Variants in ZSCAN4 observed in about 807,000 individuals in gnomAD.
ZSCAN4 encodes the protein zinc finger and SCAN domain containing 4, also known as zinc finger and SCAN domain-containing protein 4.
A neutral mutation model predicts 18.3 loss-of-function variants in ZSCAN4; 18 were observed. That is an observed-to-expected ratio of 0.98 (90% CI 0.68 to 1.46). The LOEUF (loss-of-function observed/expected upper bound fraction) is 1.46. ZSCAN4 is among the 40% of genes most tolerant of loss of function. The probability of loss-of-function intolerance (pLI) is 0.00; values close to 1 mark genes in which losing one functional copy is unlikely to be tolerated. For synonymous variants in ZSCAN4, 193 were observed against 180.3 expected, an observed-to-expected ratio of 1.07 and a Z score of -0.57; for missense variants, 498 against 511.4, an observed-to-expected ratio of 0.97 and a Z score of 0.25.
intron 1 of ZSCAN4, among the ~76,000 whole-genome samples, chr19:57,669,706 T>TG (rs1983960697): frequency 6.9e-6 from 1 of 145,084 alleles, no homozygotes; most frequent in African/African-American, 2.6e-5. Context: ...ATTACAGGCA[T>TG]GGTTTTTTTT....
the ZSCAN4 span, among the ~76,000 whole-genome samples, chr19:57,660,849 G>A: frequency 2.6e-5 from 4 of 152,070 alleles, no homozygotes; most frequent in Non-Finnish European, 4.4e-5. Context: ...TGAGTGAAGG[G>A]CATTTTTACC....
the ZSCAN4 span, among the ~76,000 whole-genome samples, chr19:57,663,519 C>CAAAAAAAAAA: frequency 1.6e-4 from 3 of 18,314 alleles, no homozygotes; most frequent in African/African-American, 4.3e-4. Flanking sequence ...AACCATGTCT[C>CAAAAAAAAAA]TAAAAAAAAA....
the ZSCAN4 span, among the ~76,000 whole-genome samples, chr19:57,661,546 G>T: frequency 4.6e-5 from 7 of 151,938 alleles, no homozygotes. Context: ...AATGCCATTT[G>T]CTCTATTTAT....
the ZSCAN4 span, among the ~76,000 whole-genome samples, chr19:57,662,430 C>T: frequency 6.6e-6 from 1 of 151,722 alleles, no homozygotes; most frequent in African/African-American, 2.4e-5. Context: ...TTTTAATTTG[C>T]AATTATTTTT....
upstream of ZSCAN4, among the ~76,000 whole-genome samples, chr19:57,666,232 G>A (rs1244351191): frequency 6.6e-6 from 1 of 152,134 alleles, no homozygotes; most frequent in Non-Finnish European, 1.5e-5. Flanking sequence ...GCTTCGATGC[G>A]CCCTGGAGAA....
At chr19:57,678,630 C>T (rs1468189892) in exon 5 of ZSCAN4, 1 of 1,614,004 alleles carries the variant, frequency 6.2e-7, no homozygotes, top group African/African-American at 1.3e-5. Flanking sequence ...ATTTGTTTGT[C>T]CCGAGTGTCA....
chr19:57,662,219 A>C, the ZSCAN4 span, among the ~76,000 whole-genome samples: 3 of 152,172 alleles, frequency 2.0e-5, no homozygotes, highest in Non-Finnish European at 4.4e-5. Flanking sequence ...AGTTTGAGCA[A>C]AGTAATACAA....
At chr19:57,653,141 A>G in the ZSCAN4 span, among the ~76,000 whole-genome samples, 1 of 152,236 alleles carries the variant, frequency 6.6e-6, no homozygotes, top group African/African-American at 2.4e-5. Flanking sequence ...AAGGTAGTCA[A>G]CTATGAAAAG....
chr19:57,672,358 G>A (rs951839129), intron 2 of ZSCAN4, among the ~76,000 whole-genome samples: 3 of 152,112 alleles, frequency 2.0e-5, no homozygotes, highest in African/African-American at 4.8e-5. Flanking sequence ...CCTTGCAGAT[G>A]TCTGTGCCTA....
upstream of ZSCAN4, among the ~76,000 whole-genome samples, chr19:57,666,390 C>G (rs79655520): frequency 6.6e-6 from 1 of 151,938 alleles, no homozygotes; most frequent in Non-Finnish European, 1.5e-5. Context: ...GTGGTGCGGT[C>G]CAAGTGCGGC....
the ZSCAN4 span, among the ~76,000 whole-genome samples, chr19:57,662,719 C>G: frequency 2.0e-5 from 3 of 152,002 alleles, no homozygotes; most frequent in Admixed American, 2.0e-4. Flanking sequence ...AGCCACCACG[C>G]CCAGCTAATT....
chr19:57,669,738 T>G (rs1242490362), intron 1 of ZSCAN4, among the ~76,000 whole-genome samples: 2 of 151,424 alleles, frequency 1.3e-5, no homozygotes, highest in Admixed American at 6.6e-5. Flanking sequence ...GTTTTGTTTT[T>G]TTTTTAGAGA....
exon 5 of ZSCAN4, chr19:57,679,106 C>T: frequency 2.3e-6 from 1 of 435,750 alleles, no homozygotes; most frequent in Non-Finnish European, 3.8e-6. Context: ...GAAAGTGGAA[C>T]ATTTCCAAGA....
At chr19:57,662,361 A>T in the ZSCAN4 span, among the ~76,000 whole-genome samples, 1 of 152,130 alleles carries the variant, frequency 6.6e-6, no homozygotes, top group East Asian at 1.9e-4. Flanking sequence ...TAACAATAGT[A>T]AAGTGATTGA....
At position 57,673,613 on chromosome 19, in the gene ZSCAN4, C is replaced by T. The variant is rs76435428; in HGVS notation, c.-105-2428C>T. 4.7e-3 allele frequency among the ~76,000 whole-genome samples: 713 copies of T among 152,244 alleles called. 4 individuals are homozygous for T. Among genetic ancestry groups the T allele is most frequent in the Non-Finnish European group, 8.0e-3 (543 of 68,026 alleles). Reference sequence around the variant, plus strand: ...CACCACTGCACTCTAGCCTGTCTGACAGACGGAGACCCTGTCTCAAAATAA... The same window carrying T: ...CACCACTGCACTCTAGCCTGTCTGATAGACGGAGACCCTGTCTCAAAATAA... On this transcript the variant is annotated intron_variant, in intron 2 of 4. Transcript: ENST00000318203.
chr19:57,668,344 T>G (rs1983913527), upstream of ZSCAN4, among the ~76,000 whole-genome samples: 1 of 152,058 alleles, frequency 6.6e-6, no homozygotes. Context: ...GCAGGGATAC[T>G]TCTCTGTATG....
chr19:57,667,583 A>G (rs1983889906), upstream of ZSCAN4, among the ~76,000 whole-genome samples: 1 of 152,214 alleles, frequency 6.6e-6, no homozygotes, highest in Non-Finnish European at 1.5e-5. Context: ...AAGGTTAGTT[A>G]TTATGATCCC....
chr19:57,678,869 C>T (rs1283718052), exon 5 of ZSCAN4: 1 of 1,610,602 alleles, frequency 6.2e-7, no homozygotes, highest in Non-Finnish European at 8.5e-7. Flanking sequence ...AGAAAATTAC[C>T]CTGCCAAGTG....
chr19:57,671,427 A>G (rs1418767283), intron 2 of ZSCAN4, among the ~76,000 whole-genome samples: 1 of 151,590 alleles, frequency 6.6e-6, no homozygotes, highest in Non-Finnish European at 1.5e-5. Flanking sequence ...CATAGGGGAG[A>G]AAGGGTGGGT....
Sources: gnomAD v4.1 joint callset for allele counts (sites outside exome capture counted in the v4.1 genomes callset) on GRCh38, gnomAD v4.1.1 for gene constraint, MANE v1.5 for transcripts, NCBI Gene and HGNC (gene_info 2026-07-23, HGNC 2026-07-21) for gene names.